ADAM32: variants seen among roughly 807,000 people sequenced by gnomAD.
ADAM32 encodes ADAM metallopeptidase domain 32, also known as disintegrin and metalloproteinase domain-containing protein 32.
Under a neutral mutation model 114.9 loss-of-function variants are expected in ADAM32, and 89 were observed. That is an observed-to-expected ratio of 0.77 (90% CI 0.65 to 0.92). The LOEUF is 0.92. Ranked by LOEUF, ADAM32 falls within the 40% of genes least tolerant of loss-of-function variation. The pLI, the probability that ADAM32 is intolerant of heterozygous loss-of-function variation, is 0.00. For synonymous variants in ADAM32, 285 were observed against 307.5 expected (o/e 0.93, Z 0.77); for missense variants, 870 against 932.8 (o/e 0.93, Z 0.88).
chr8:39,258,983 G>A (rs1231605782), intron 19 of ADAM32, among the ~76,000 whole-genome samples: 1 of 151,758 alleles, frequency 6.6e-6, no homozygotes, highest in Non-Finnish European at 1.5e-5. Flanking sequence ...CGTTTACCTG[G>A]TACAACTTTT....
chr8:39,196,136 C>T (rs1806969467), intron 11 of ADAM32, among the ~76,000 whole-genome samples: 1 of 151,872 alleles, frequency 6.6e-6, no homozygotes, highest in Admixed American at 6.6e-5. Flanking sequence ...ATTTATTATT[C>T]AGCTAGTTTG....
At chr8:39,113,985 C>T (rs1033248311) in intron 1 of ADAM32, among the ~76,000 whole-genome samples, 1 of 133,168 alleles carries the variant, frequency 7.5e-6, no homozygotes, top group African/African-American at 2.9e-5. Context: ...CAAATCAACA[C>T]ATTGGAATCT....
intron 2 of ADAM32, among the ~76,000 whole-genome samples, chr8:39,121,328 T>G (rs1279455935): frequency 6.6e-6 from 1 of 151,924 alleles, no homozygotes; most frequent in Non-Finnish European, 1.5e-5. Flanking sequence ...GACGATAGAG[T>G]TGTCTGGCTT....
intron 3 of ADAM32, among the ~76,000 whole-genome samples, chr8:39,144,228 C>G (rs557506278): frequency 1.3e-5 from 2 of 152,264 alleles, no homozygotes; most frequent in Non-Finnish European, 2.9e-5. Flanking sequence ...GTGGGCTGTA[C>G]CCACTGTTGA....
Position 39,282,616 on chromosome 8 carries a change from G to A in ADAM32, c.2319-970G>A, listed in dbSNP as rs150908948. ...AAACTTAGTAAGCTAAGCAGACATA[G>A]TTGCTGTCCTTTACTGTTAGAGCAT... On this transcript the variant is annotated intron_variant, in intron 23 of 24. Transcript: ENST00000379907. Among the ~76,000 whole-genome samples, 629 of 152,280 alleles carry A rather than the reference G, an allele frequency of 4.1e-3. 3 individuals are homozygous for A. Among genetic ancestry groups the A allele is most frequent in the African/African-American group, 0.015 (605 of 41,544 alleles).
intron 10 of ADAM32, among the ~76,000 whole-genome samples, chr8:39,171,477 TA>T (rs1194535507): frequency 6.6e-6 from 1 of 152,148 alleles, no homozygotes; most frequent in Non-Finnish European, 1.5e-5. Flanking sequence ...TCTCTATATA[TA>T]TTTTTTTGCA....
intron 3 of ADAM32, among the ~76,000 whole-genome samples, chr8:39,137,426 A>G (rs960240992): frequency 3.9e-5 from 6 of 152,186 alleles, no homozygotes; most frequent in Admixed American, 1.3e-4. Context: ...AAAACAAAGT[A>G]TTTTGATTGA....
intron 14 of ADAM32, among the ~76,000 whole-genome samples, chr8:39,229,364 T>C (rs747678916): frequency 2.6e-5 from 4 of 152,200 alleles, no homozygotes; most frequent in African/African-American, 4.8e-5. Context: ...TAACAGTGAA[T>C]GTAAATGGCC....
intron 23 of ADAM32, among the ~76,000 whole-genome samples, chr8:39,281,822 T>A (rs1813437744): frequency 6.6e-6 from 1 of 152,218 alleles, no homozygotes; most frequent in Non-Finnish European, 1.5e-5. Flanking sequence ...TTATATTGCC[T>A]AGTATTTTTC....
chr8:39,138,400 A>T (rs966118303), intron 3 of ADAM32, among the ~76,000 whole-genome samples: 1 of 151,724 alleles, frequency 6.6e-6, no homozygotes, highest in Non-Finnish European at 1.5e-5. Context: ...TTCAACTCCG[A>T]CCTATGAGTG....
At chr8:39,263,248 GT>G (rs1812155407) in intron 19 of ADAM32, among the ~76,000 whole-genome samples, 3 of 152,222 alleles carry the variant, frequency 2.0e-5, no homozygotes, top group Admixed American at 2.0e-4. Flanking sequence ...AGTTATTTTT[GT>G]AAGGCTTTTA....
chr8:39,130,708 T>G (rs1486935645), intron 2 of ADAM32, among the ~76,000 whole-genome samples: 1 of 152,168 alleles, frequency 6.6e-6, no homozygotes, highest in Non-Finnish European at 1.5e-5. Context: ...TTTCCTAGGT[T>G]TTGTCTCTTG....
Position 39,221,649 on chromosome 8 carries a change from G to T in ADAM32, c.1273G>T (p.Val425Leu). ...PASCCDFRTCVLKDGAKCYKG... is the reference protein window; with the variant it reads ...PASCCDFRTCLLKDGAKCYKG... ...AAGCTGTTGTGATTTTCGAACTTGTGTACTGAAAGACGGAGCAAAATGTTA... is the reference window on the plus strand; with the variant it reads ...AAGCTGTTGTGATTTTCGAACTTGTTTACTGAAAGACGGAGCAAAATGTTA... Residue 425 changes from valine (V) to leucine (L), a missense_variant, in exon 13 of 25, where the codon GTA becomes TTA. Physicochemically the swap from Val to Leu is conservative, Grantham distance 32 (BLOSUM62 1). Coordinates refer to ENST00000379907, the MANE Select transcript of ADAM32 (RefSeq NM_145004.7). 1 of 1,612,264 alleles carries T rather than the reference G, an allele frequency of 6.2e-7. No homozygotes were observed. Among genetic ancestry groups the T allele is most frequent in the Non-Finnish European group, 8.5e-7 (1 of 1,178,908 alleles).
intron 3 of ADAM32, among the ~76,000 whole-genome samples, chr8:39,145,950 C>G (rs954459197): frequency 7.2e-5 from 11 of 151,996 alleles, no homozygotes; most frequent in African/African-American, 2.4e-4. Flanking sequence ...AGGCTGGTCT[C>G]GAACTCCTGA....
At chr8:39,157,348 G>A (rs539124206) in intron 6 of ADAM32, among the ~76,000 whole-genome samples, 1 of 151,736 alleles carries the variant, frequency 6.6e-6, no homozygotes, top group Admixed American at 6.6e-5. Flanking sequence ...AACTGGGGAG[G>A]TTTTCACCCA....
chr8:39,273,529 A>AAAAACAAAC (rs139634866), intron 20 of ADAM32, among the ~76,000 whole-genome samples: 31,345 of 150,774 alleles, frequency 0.21, 3,515 homozygotes, highest in East Asian at 0.28. Flanking sequence ...TCCACCTCAA[A>AAAAACAAAC]AAACAAACAA....
chr8:39,206,188 C>A (rs543179826), intron 11 of ADAM32, among the ~76,000 whole-genome samples: 1 of 152,270 alleles, frequency 6.6e-6, no homozygotes, highest in South Asian at 2.1e-4. Context: ...GTAGCTTGGT[C>A]TGTGTTTGTT....
chr8:39,211,068 T>C, intron 11 of ADAM32, 76 bp from the exon 12 acceptor site: 1 of 1,206,674 alleles, frequency 8.3e-7, no homozygotes, highest in South Asian at 2.9e-5. Flanking sequence ...TTTAACATTT[T>C]GAAATTAATT....
At chr8:39,281,003 C>T (rs184758296) in intron 22 of ADAM32, 133 bp from the exon 23 acceptor site, 486 of 226,502 alleles carry the variant, frequency 2.1e-3, no homozygotes, top group African/African-American at 0.011. Flanking sequence ...AGGATGGTCT[C>T]GATCTCCTGA....
Sources: allele counts gnomAD v4.1 joint callset (sites outside exome capture counted in the v4.1 genomes callset), GRCh38; gene constraint gnomAD v4.1.1; transcripts MANE v1.5; gene names NCBI Gene and HGNC (gene_info 2026-07-23, HGNC 2026-07-21).